The following CNTN3 variants were observed in gnomAD, a reference collection of about 807,000 sequenced individuals.
CNTN3 encodes contactin-3.
CNTN3 carries 60 observed loss-of-function variants against 119.1 expected under a neutral mutation model. That is an observed-to-expected ratio of 0.50 (90% CI 0.41 to 0.62). The LOEUF is 0.62. CNTN3 is among the 20% of genes least tolerant of loss of function. The probability of loss-of-function intolerance (pLI) is 0.00; values close to 1 mark genes in which losing one functional copy is unlikely to be tolerated. For synonymous variants in CNTN3, 450 were observed against 438.7 expected (o/e 1.03, Z -0.32); for missense variants, 1,101 against 1,242.4 (o/e 0.89, Z 1.71).
intron 4 of CNTN3, among the ~76,000 whole-genome samples, chr3:74,427,374 T>C (rs1185089705): frequency 6.6e-6 from 1 of 152,140 alleles, no homozygotes; most frequent in Non-Finnish European, 1.5e-5. Context: ...AGGGTGGGCA[T>C]TTTTCTGAGG....
chr3:74,412,422 C>A lies in CNTN3; in HGVS notation c.454+12423G>T, dbSNP rs534169127. Among the ~76,000 whole-genome samples the A allele has an allele frequency of 2.0e-5, 3 of 152,168 alleles. No homozygotes were observed. The South Asian group carries it at 6.2e-4, about 31-fold the overall frequency. ...ACTGAGATGCTACTTTCAGATACTACAGGCCTCCAAGGGCCTATAATTAGC... is the reference window on the plus strand; with the variant it reads ...ACTGAGATGCTACTTTCAGATACTAAAGGCCTCCAAGGGCCTATAATTAGC... On this transcript the variant is annotated intron_variant, in intron 5 of 22. Transcript: ENST00000263665.
intron 1 of CNTN3, among the ~76,000 whole-genome samples, chr3:74,604,739 T>C (rs950142742): frequency 1.3e-5 from 2 of 152,102 alleles, no homozygotes; most frequent in African/African-American, 4.8e-5. Context: ...GAAATCAGTA[T>C]GGAGGGTCCT....
chr3:74,333,661 C>T (rs1244390713), intron 13 of CNTN3, among the ~76,000 whole-genome samples: 1 of 152,120 alleles, frequency 6.6e-6, no homozygotes, highest in Non-Finnish European at 1.5e-5. Context: ...AAGGCAATTT[C>T]CAAATAAGGT....
chr3:74,308,569 T>C (rs998776776), intron 13 of CNTN3, among the ~76,000 whole-genome samples: 9 of 152,134 alleles, frequency 5.9e-5, no homozygotes, highest in Admixed American at 5.2e-4. Flanking sequence ...GCCTCAAAGG[T>C]ATCTGCTTTT....
intron 1 of CNTN3, among the ~76,000 whole-genome samples, chr3:74,524,946 G>T (rs1252216502): frequency 6.6e-6 from 1 of 151,794 alleles, no homozygotes; most frequent in Non-Finnish European, 1.5e-5. Context: ...AATACACGTG[G>T]CAAAGCTCAG....
At chr3:74,346,867 C>T (rs1209250389) in intron 11 of CNTN3, among the ~76,000 whole-genome samples, 2 of 151,990 alleles carry the variant, frequency 1.3e-5, no homozygotes, top group East Asian at 1.9e-4. Context: ...TAGCACACTC[C>T]ATATTTTTTA....
chr3:74,340,207 TG>T (rs902815068), intron 11 of CNTN3, among the ~76,000 whole-genome samples: 2 of 152,076 alleles, frequency 1.3e-5, no homozygotes, highest in Admixed American at 1.3e-4. Flanking sequence ...TGAGCATCCA[TG>T]GGGGTCTGGT....
At chr3:74,549,601 C>T (rs1361999038) in intron 1 of CNTN3, among the ~76,000 whole-genome samples, 1 of 151,882 alleles carries the variant, frequency 6.6e-6, no homozygotes, top group Admixed American at 6.6e-5. Flanking sequence ...GGGACATTTC[C>T]ATCAAAGTAA....
At chr3:74,314,321 T>C (rs534030882) in intron 13 of CNTN3, among the ~76,000 whole-genome samples, 2 of 152,196 alleles carry the variant, frequency 1.3e-5, no homozygotes, top group South Asian at 2.1e-4. Context: ...CAATTACTAC[T>C]TGAATATCTA....
chr3:74,265,793 T>C (rs191634996), intron 22 of CNTN3, among the ~76,000 whole-genome samples: 33 of 152,260 alleles, frequency 2.2e-4, no homozygotes, highest in East Asian at 1.4e-3. Flanking sequence ...AACTATAGAA[T>C]AGCATATGAA....
chr3:74,366,807 T>A (rs1448788075), intron 8 of CNTN3, among the ~76,000 whole-genome samples: 4 of 132,676 alleles, frequency 3.0e-5, no homozygotes, highest in South Asian at 2.4e-4. Context: ...TATATATATA[T>A]AACTTGCTCA....
At chr3:74,473,563 G>C (rs1258929706) in intron 4 of CNTN3, among the ~76,000 whole-genome samples, 1 of 152,248 alleles carries the variant, frequency 6.6e-6, no homozygotes, top group Non-Finnish European at 1.5e-5. Context: ...TTCATTTATT[G>C]AACAAATATT....
At chr3:74,299,791 G>A (rs1304362957) in intron 17 of CNTN3, 77 bp downstream of exon 17, 5 of 1,183,460 alleles carry the variant, frequency 4.2e-6, no homozygotes, top group Non-Finnish European at 6.1e-6. Context: ...TGCACCATTG[G>A]CACCACCACC....
chr3:74,600,439 G>A (rs966658760), intron 1 of CNTN3, among the ~76,000 whole-genome samples: 12 of 152,088 alleles, frequency 7.9e-5, no homozygotes, highest in African/African-American at 2.4e-4. Context: ...GCTTCTGGAC[G>A]TGGGAAATAT....
chr3:74,374,723 T>C (rs973153252), intron 5 of CNTN3, among the ~76,000 whole-genome samples: 1 of 152,140 alleles, frequency 6.6e-6, no homozygotes, highest in African/African-American at 2.4e-5. Context: ...ACCATCTCCA[T>C]GGGCCAAATT....
intron 6 of CNTN3, among the ~76,000 whole-genome samples, chr3:74,370,337 C>A (rs1704304986): frequency 6.6e-6 from 1 of 152,002 alleles, no homozygotes; most frequent in Non-Finnish European, 1.5e-5. Context: ...AGAGCAGTTC[C>A]AAGAAAACCA....
chr3:74,452,487 C>T (rs1456921993), intron 4 of CNTN3, among the ~76,000 whole-genome samples: 2 of 148,796 alleles, frequency 1.3e-5, no homozygotes, highest in Non-Finnish European at 3.0e-5. Context: ...TTCCTCTTTT[C>T]CTAACCGAAT....
intron 11 of CNTN3, among the ~76,000 whole-genome samples, chr3:74,338,013 T>A (rs535666571): frequency 6.6e-6 from 1 of 152,236 alleles, no homozygotes; most frequent in South Asian, 2.1e-4. Context: ...ATAATTATGT[T>A]CTCTTTCTTT....
At position 74,263,801 on chromosome 3, in the gene CNTN3, A is replaced by G. The variant is rs1366999118; in HGVS notation, c.*600T>C. ...TTTTATAGAGGAATAATTGAGAGGT[A>G]CAGATGGCAAAGTGATTTGTAAAGT... is the stretch of plus-strand genomic sequence containing the variant. On this transcript the variant is annotated 3_prime_UTR_variant, in exon 23 of 23. Transcript: ENST00000263665. The G allele has an allele frequency of 6.6e-6, 1 of 152,112 alleles. No homozygotes were observed. Among genetic ancestry groups the G allele is most frequent in the East Asian group, 1.9e-4 (1 of 5,184 alleles). 9.4% of individuals were successfully genotyped at this position (152,112 alleles called of 1,614,324 possible).
Sources: allele counts gnomAD v4.1 joint callset (sites outside exome capture counted in the v4.1 genomes callset), GRCh38; gene constraint gnomAD v4.1.1; transcripts MANE v1.5; gene names NCBI Gene and HGNC (gene_info 2026-07-23, HGNC 2026-07-21).